C16orf96: variants seen among roughly 807,000 people sequenced by gnomAD.
C16orf96 encodes chromosome 16 open reading frame 96.
C16orf96 carries 108 observed loss-of-function variants against 103.6 expected under a neutral mutation model. The ratio of observed to expected loss-of-function variants is 1.04; its 90% CI spans 0.89 to 1.22. The LOEUF (loss-of-function observed/expected upper bound fraction) is 1.22, where lower values mean the gene tolerates loss of function less well. Among genes scored for constraint, C16orf96 ranks in the 50% most tolerant of loss-of-function variants. The pLI is 0.00. For missense variants in C16orf96, 1,586 were observed against 1,464.2 expected, an observed-to-expected ratio of 1.08 and a Z score of -1.36; for synonymous variants, 566 against 593.5, an observed-to-expected ratio of 0.95 and a Z score of 0.67.
chr16:4,587,075 A>G lies in C16orf96; in HGVS notation c.2389A>G (p.Lys797Glu). 1.3e-6 allele frequency: 2 copies of G among 1,551,656 alleles called. No individual in the cohort carries two copies. The highest frequency in any genetic ancestry group is 1.7e-6 in the Non-Finnish European group (2 of 1,146,956). ...QAQIKRLEMN[K>E]VNKSTMEEEL... ...TCAAATCAAAAGACTGGAAATGAAC[A>G]AGGTGAATAAGAGCACGATGGAGGA... The change falls in exon 8 of 16, where the codon AAG (lysine) becomes GAG (glutamate). Residue 797 changes from lysine (K) to glutamate (E), a missense_variant. Coordinates refer to ENST00000444310, the MANE Select transcript of C16orf96 (RefSeq NM_001145011.2).
rs58065868 is a variant in C16orf96 at position 4,581,141 on chromosome 16, C to CATATATATATATAT, written c.2352+1046_2352+1059dup. Among the ~76,000 whole-genome samples the CATATATATATATAT allele has an allele frequency of 5.8e-4, 27 of 46,750 alleles. 1 individual carries two copies. The highest frequency in any genetic ancestry group is 1.2e-3 in the South Asian group (1 of 822). 30.7% of individuals were successfully genotyped at this position (46,750 alleles called of 152,430 possible). On this transcript the variant is annotated intron_variant, in intron 7 of 15. Coordinates refer to ENST00000444310, the MANE Select transcript of C16orf96 (RefSeq NM_001145011.2). The stretch of plus-strand genomic sequence containing the variant: ...CTCTGTCTAAAAATATATATGTATA[C>CATATATATATATAT]ATATATATATATATATATATATATA...
At chr16:4,582,653 G>A (rs1408307473) in intron 7 of C16orf96, among the ~76,000 whole-genome samples, 1 of 152,128 alleles carries the variant, frequency 6.6e-6, no homozygotes, top group Non-Finnish European at 1.5e-5. Flanking sequence ...CAGGTCTCCT[G>A]CCAACACTCC....
At chr16:4,540,706 G>A in the C16orf96 span, among the ~76,000 whole-genome samples, 1 of 151,974 alleles carries the variant, frequency 6.6e-6, no homozygotes, top group Non-Finnish European at 1.5e-5. Context: ...CAGCCTGGGA[G>A]ACAGAGCAAA....
the C16orf96 span, among the ~76,000 whole-genome samples, chr16:4,541,334 T>C: frequency 6.6e-6 from 1 of 152,258 alleles, no homozygotes; most frequent in Non-Finnish European, 1.5e-5. Flanking sequence ...CATTTATTTC[T>C]AATCCCAAAA....
At chr16:4,542,914 G>A in the C16orf96 span, among the ~76,000 whole-genome samples, 3 of 152,156 alleles carry the variant, frequency 2.0e-5, no homozygotes, top group Non-Finnish European at 4.4e-5. Context: ...CAGGGGCTCA[G>A]TAGCCACATA....
At chr16:4,563,042 G>T in intron 1 of C16orf96, 1 of 905,510 alleles carries the variant, frequency 1.1e-6, no homozygotes, top group Non-Finnish European at 1.8e-6. Flanking sequence ...TCTGTCAGAA[G>T]ATGACAGAGC....
chr16:4,540,918 A>AT, the C16orf96 span, among the ~76,000 whole-genome samples: 573 of 128,712 alleles, frequency 4.5e-3, 2 homozygotes, highest in East Asian at 0.017. Flanking sequence ...TGCAGTTTGG[A>AT]TTTTTTTTTT....
chr16:4,562,698 T>C, intron 1 of C16orf96: 1 of 443,758 alleles, frequency 2.3e-6, no homozygotes, highest in Non-Finnish European at 4.0e-6. Context: ...TACAAATTCT[T>C]CTGCAATCCA....
chr16:4,572,249 A>G (rs2059447071), intron 2 of C16orf96, among the ~76,000 whole-genome samples: 2 of 151,470 alleles, frequency 1.3e-5, no homozygotes, highest in Non-Finnish European at 2.9e-5. Context: ...TTATTGTCTC[A>G]TTTACTAAAA....
chr16:4,546,666 G>A, the C16orf96 span, among the ~76,000 whole-genome samples: 4 of 151,670 alleles, frequency 2.6e-5, no homozygotes, highest in African/African-American at 7.3e-5. Flanking sequence ...GGGTCTCACC[G>A]CGTTGCCCAG....
chr16:4,572,378 C>T (rs944709637), intron 2 of C16orf96, among the ~76,000 whole-genome samples: 3 of 142,478 alleles, frequency 2.1e-5, no homozygotes, highest in Admixed American at 7.5e-5. Context: ...TGACTCACTG[C>T]AACCTCCACC....
upstream of C16orf96, among the ~76,000 whole-genome samples, chr16:4,553,300 G>A (rs527289371): frequency 2.0e-5 from 3 of 152,314 alleles, no homozygotes; most frequent in East Asian, 3.9e-4. Context: ...TTCAGAAGGC[G>A]TTTTCCTGGA....
intron 1 of C16orf96, chr16:4,560,040 CAG>C: frequency 6.6e-6 from 1 of 152,184 alleles, no homozygotes; most frequent in Middle Eastern, 3.4e-3. Context: ...TTTTTTGAGA[CAG>C]AGTCTCACTC....
At chr16:4,595,711 GT>G (rs368495168) in intron 14 of C16orf96, among the ~76,000 whole-genome samples, 12 of 96,598 alleles carry the variant, frequency 1.2e-4, no homozygotes, top group South Asian at 3.7e-4. Flanking sequence ...TGTTGTTGTT[GT>G]TTGTTTGTTT....
intron 2 of C16orf96, among the ~76,000 whole-genome samples, chr16:4,574,485 G>C (rs2059476719): frequency 1.3e-5 from 2 of 152,168 alleles, no homozygotes; most frequent in African/African-American, 4.8e-5. Flanking sequence ...ACCTCTCAAA[G>C]TGCTGGGGTT....
Position 4,576,438 on chromosome 16 carries a change from C to G in C16orf96, c.1958C>G (p.Ser653Cys). 6.4e-7 allele frequency: 1 copy of G among 1,551,324 alleles called. No individual in the cohort carries two copies. Among genetic ancestry groups the G allele is most frequent in the Admixed American group, 2.0e-5 (1 of 51,002 alleles). The change falls in exon 5 of 16, where the codon TCT becomes TGT. Residue 653 changes from serine (S) to cysteine (C), a missense_variant. Physicochemically the swap from Ser to Cys is moderately radical, Grantham distance 112. Transcript: ENST00000444310. Reference protein sequence around the residue: ...EIYEILSPSYSAASIGPDPAL... With the variant: ...EIYEILSPSYCAASIGPDPAL... ...TACGAAATCCTCTCTCCCTCCTACT[C>G]TGCTGCCAGCATCGGTCCCGATCCA...
intron 2 of C16orf96, among the ~76,000 whole-genome samples, chr16:4,574,040 G>A (rs1475418698): frequency 6.6e-6 from 1 of 151,760 alleles, no homozygotes; most frequent in Non-Finnish European, 1.5e-5. Flanking sequence ...TCACCACATT[G>A]GTCAGGCTGG....
intron 1 of C16orf96, among the ~76,000 whole-genome samples, chr16:4,562,348 C>T (rs1432375866): frequency 6.6e-6 from 1 of 151,756 alleles, no homozygotes; most frequent in Non-Finnish European, 1.5e-5. Context: ...TGGTGGTGCA[C>T]CTGTAGTCCC....
At chr16:4,590,882 A>T (rs1032373692) in intron 9 of C16orf96, among the ~76,000 whole-genome samples, 48 of 150,342 alleles carry the variant, frequency 3.2e-4, no homozygotes, top group African/African-American at 1.1e-3. Flanking sequence ...AAAAAAAAAA[A>T]TTAGTCGGGT....
Sources: allele counts gnomAD v4.1 joint callset (sites outside exome capture counted in the v4.1 genomes callset), GRCh38; gene constraint gnomAD v4.1.1; transcripts MANE v1.5; gene names NCBI Gene and HGNC (gene_info 2026-07-23, HGNC 2026-07-21).